Variants in SPOCK3 observed in about 807,000 individuals in gnomAD.
SPOCK3 encodes the protein SPARC (osteonectin), cwcv and kazal like domains proteoglycan 3.
Under a neutral mutation model 56.6 loss-of-function variants are expected in SPOCK3, and 30 were observed. The observed-to-expected ratio is 0.53, with a 90% confidence interval of 0.40 to 0.72. The LOEUF is 0.72. SPOCK3 is among the 30% of genes least tolerant of loss of function. SPOCK3 has a pLI of 0.00. For missense variants in SPOCK3, 527 were observed against 530.0 expected (o/e 0.99, Z 0.06); for synonymous variants, 196 against 183.3 (o/e 1.07, Z -0.56).
chr4:166,957,057 C>CA (rs1188579429), intron 4 of SPOCK3, among the ~76,000 whole-genome samples: 17 of 152,104 alleles, frequency 1.1e-4, no homozygotes, highest in African/African-American at 3.6e-4. Flanking sequence ...ATTTCGAGAC[C>CA]AGCCTGGCCA....
intron 3 of SPOCK3, among the ~76,000 whole-genome samples, chr4:167,039,407 T>C (rs1477737547): frequency 3.9e-5 from 6 of 152,174 alleles, no homozygotes; most frequent in African/African-American, 9.7e-5. Flanking sequence ...CCTTACTTCA[T>C]AGGTGACAAT....
chr4:166,898,511 T>C (rs572656410), intron 5 of SPOCK3, among the ~76,000 whole-genome samples: 14 of 152,238 alleles, frequency 9.2e-5, no homozygotes, highest in South Asian at 4.1e-4. Flanking sequence ...CAACTGATAA[T>C]ATCTGGGCAG....
chr4:166,819,037 A>G (rs1296572912), intron 6 of SPOCK3, among the ~76,000 whole-genome samples: 3 of 152,034 alleles, frequency 2.0e-5, no homozygotes, highest in Non-Finnish European at 2.9e-5. Flanking sequence ...TAATATTTGG[A>G]CAAACAATAA....
chr4:167,019,736 T>A (rs940384440), intron 3 of SPOCK3, among the ~76,000 whole-genome samples: 1 of 152,110 alleles, frequency 6.6e-6, no homozygotes, highest in Non-Finnish European at 1.5e-5. Context: ...TCTCCAAATA[T>A]CACTTTTTCT....
At chr4:166,767,876 T>C (rs1253778771) in intron 7 of SPOCK3, among the ~76,000 whole-genome samples, 4 of 152,320 alleles carry the variant, frequency 2.6e-5, no homozygotes, top group South Asian at 4.1e-4. Context: ...GATGCTCCCA[T>C]ATTGGGTGCA....
intron 2 of SPOCK3, among the ~76,000 whole-genome samples, chr4:167,093,868 T>C (rs1385620235): frequency 6.6e-6 from 1 of 152,094 alleles, no homozygotes; most frequent in Non-Finnish European, 1.5e-5. Context: ...GGAAACTCAA[T>C]ATGCAATCTT....
intron 2 of SPOCK3, among the ~76,000 whole-genome samples, chr4:167,213,954 T>C (rs886782915): frequency 3.3e-5 from 5 of 152,176 alleles, no homozygotes; most frequent in Non-Finnish European, 5.9e-5. Context: ...TATTTGTCTT[T>C]TTTATTATGA....
intron 5 of SPOCK3, among the ~76,000 whole-genome samples, chr4:166,900,480 T>C (rs946495035): frequency 6.6e-6 from 1 of 152,200 alleles, no homozygotes; most frequent in Admixed American, 6.5e-5. Context: ...CCCTCTCAGC[T>C]GGCTCTTAGG....
At chr4:166,856,642 CAT>C (rs1730700281) in intron 6 of SPOCK3, among the ~76,000 whole-genome samples, 1 of 151,996 alleles carries the variant, frequency 6.6e-6, no homozygotes, top group Admixed American at 6.6e-5. Context: ...GGTGTGGTGA[CAT>C]GTGCCTGTAG....
At chr4:167,112,850 A>T (rs986733313) in intron 2 of SPOCK3, among the ~76,000 whole-genome samples, 4 of 150,168 alleles carry the variant, frequency 2.7e-5, no homozygotes, top group Non-Finnish European at 4.5e-5. Context: ...CTCTTTTTTA[A>T]AAAAAAAAAT....
At chr4:167,212,361 T>A (rs924852544) in intron 2 of SPOCK3, among the ~76,000 whole-genome samples, 16 of 151,934 alleles carry the variant, frequency 1.1e-4, no homozygotes, top group African/African-American at 3.6e-4. Flanking sequence ...CCTGTCTCAG[T>A]CTCCTGAGTA....
intron 3 of SPOCK3, among the ~76,000 whole-genome samples, chr4:167,030,349 G>T (rs1041608438): frequency 3.3e-5 from 5 of 151,828 alleles, no homozygotes; most frequent in African/African-American, 1.2e-4. Flanking sequence ...TTTTTATCAA[G>T]ATCAGATTAC....
chr4:166,860,253 T>C (rs943572695), intron 6 of SPOCK3, among the ~76,000 whole-genome samples: 2 of 152,028 alleles, frequency 1.3e-5, no homozygotes, highest in Non-Finnish European at 2.9e-5. Flanking sequence ...AGGATGGTGT[T>C]GTTTGCATTA....
chr4:167,224,427 C>A (rs1248177205), intron 2 of SPOCK3, among the ~76,000 whole-genome samples: 1 of 151,970 alleles, frequency 6.6e-6, no homozygotes, highest in Non-Finnish European at 1.5e-5. Context: ...AAAATAGAAA[C>A]ATTAACATAT....
At chr4:166,814,419 G>C (rs528723278) in intron 6 of SPOCK3, among the ~76,000 whole-genome samples, 119 of 152,158 alleles carry the variant, frequency 7.8e-4, no homozygotes, top group African/African-American at 2.7e-3. Flanking sequence ...TAGACTGGGA[G>C]AGGAAGACCC....
At chr4:166,963,445 T>C (rs550017678) in intron 4 of SPOCK3, among the ~76,000 whole-genome samples, 1 of 152,006 alleles carries the variant, frequency 6.6e-6, no homozygotes, top group Non-Finnish European at 1.5e-5. Context: ...GTTAGAATTT[T>C]GTTCTTGAAT....
chr4:166,970,805 C>T (rs1226120771), intron 4 of SPOCK3, among the ~76,000 whole-genome samples: 2 of 151,920 alleles, frequency 1.3e-5, no homozygotes, highest in African/African-American at 2.4e-5. Context: ...ATTACAAAAC[C>T]CCAACCCCAT....
intron 10 of SPOCK3, 84 bp from the exon 11 acceptor site, chr4:166,735,174 G>T: frequency 3.6e-6 from 3 of 821,926 alleles, no homozygotes; most frequent in Non-Finnish European, 3.8e-6. Flanking sequence ...TAAAAATTAA[G>T]AATATTTTTT....
At chr4:167,216,540 C>G (rs537793771) in intron 2 of SPOCK3, among the ~76,000 whole-genome samples, 43 of 152,124 alleles carry the variant, frequency 2.8e-4, no homozygotes, top group African/African-American at 9.9e-4. Flanking sequence ...AGAGAAGACC[C>G]TGACAGGATA....
Sources: gnomAD v4.1 joint callset for allele counts (sites outside exome capture counted in the v4.1 genomes callset) on GRCh38, gnomAD v4.1.1 for gene constraint, MANE v1.5 for transcripts, NCBI Gene and HGNC (gene_info 2026-07-23, HGNC 2026-07-21) for gene names.